GRID2: variants seen among roughly 807,000 people sequenced by gnomAD.
GRID2 encodes the protein glutamate receptor ionotropic, delta-2.
Under a neutral mutation model 114.8 loss-of-function variants are expected in GRID2, and 33 were observed. The observed-to-expected ratio is 0.29, with a 90% CI of 0.22 to 0.38. The LOEUF is 0.38. Among genes scored for constraint, GRID2 ranks in the 10% least tolerant of loss-of-function variants. GRID2 has a pLI of 1.00. For synonymous variants in GRID2, 505 were observed against 449.9 expected, an observed-to-expected ratio of 1.12 and a Z score of -1.55; for missense variants, 1,184 against 1,257.7, an observed-to-expected ratio of 0.94 and a Z score of 0.89.
chr4:93,598,538 C>T (rs1011493936), intron 13 of GRID2, among the ~76,000 whole-genome samples: 2 of 152,138 alleles, frequency 1.3e-5, no homozygotes, highest in Non-Finnish European at 2.9e-5. Flanking sequence ...GGTTGTTGCT[C>T]TCGTTTCTTT....
intron 8 of GRID2, among the ~76,000 whole-genome samples, chr4:93,256,994 T>C (rs928142267): frequency 6.6e-6 from 1 of 151,906 alleles, no homozygotes; most frequent in Non-Finnish European, 1.5e-5. Context: ...TAATTTAATA[T>C]TATTTGCTTA....
intron 2 of GRID2, among the ~76,000 whole-genome samples, chr4:92,906,902 G>A (rs1056123611): frequency 2.0e-5 from 3 of 152,122 alleles, no homozygotes; most frequent in Non-Finnish European, 2.9e-5. Flanking sequence ...TAGCAGCATA[G>A]CTTCACTCTG....
intron 2 of GRID2, among the ~76,000 whole-genome samples, chr4:92,608,533 A>G (rs1248133654): frequency 6.6e-6 from 1 of 151,880 alleles, no homozygotes; most frequent in African/African-American, 2.4e-5. Context: ...TAATATAAAA[A>G]GTGCTATGCA....
chr4:92,695,600 AAG>A (rs1734391829), intron 2 of GRID2, among the ~76,000 whole-genome samples: 1 of 152,178 alleles, frequency 6.6e-6, no homozygotes, highest in Admixed American at 6.5e-5. Flanking sequence ...ATAAAAGATA[AAG>A]TAGCATCTGA....
chr4:93,306,387 A>T (rs1755424800), intron 8 of GRID2: 1 of 152,224 alleles, frequency 6.6e-6, no homozygotes, highest in Non-Finnish European at 1.5e-5. Context: ...TTGGAAATTG[A>T]TTTTCACTTC....
chr4:92,911,833 A>G (rs1423825010), intron 2 of GRID2, among the ~76,000 whole-genome samples: 1 of 151,760 alleles, frequency 6.6e-6, no homozygotes, highest in East Asian at 1.9e-4. Context: ...ATTTAGGATA[A>G]AAACATGCAG....
At chr4:92,352,268 C>T (rs1380662546) in intron 1 of GRID2, among the ~76,000 whole-genome samples, 4 of 151,542 alleles carry the variant, frequency 2.6e-5, no homozygotes, top group Non-Finnish European at 5.9e-5. Context: ...TTTCATTTAC[C>T]TGTTGGCTAT....
rs2149167499 is a variant in GRID2, at chr4:92,545,930, T to A, written c.89-44201T>A. Among the ~76,000 whole-genome samples the A allele has an allele frequency of 2.0e-5, 3 of 152,334 alleles. No individual in the cohort carries two copies. The East Asian group carries it at 5.8e-4, about 29-fold the overall frequency. ...ATATTACTGGCACTGTTCCCAAATT[T>A]ATTTTTCCTCAATGCAACTTTATTC... is the stretch of plus-strand genomic sequence containing the variant. On this transcript the variant is annotated intron_variant, in intron 1 of 15. Transcript: ENST00000282020.
chr4:93,024,257 A>T (rs191428296), intron 2 of GRID2, among the ~76,000 whole-genome samples: 1 of 151,892 alleles, frequency 6.6e-6, no homozygotes, highest in East Asian at 1.9e-4. Context: ...TGAGGCTTAA[A>T]TCTTTCTCGG....
intron 10 of GRID2, among the ~76,000 whole-genome samples, chr4:93,427,309 G>A (rs914791933): frequency 2.0e-5 from 3 of 151,906 alleles, no homozygotes; most frequent in Non-Finnish European, 4.4e-5. Flanking sequence ...AAAATGTTAT[G>A]ATGGAGCTCC....
chr4:93,042,277 C>CTT (rs1354588463), intron 2 of GRID2, among the ~76,000 whole-genome samples: 113 of 62,342 alleles, frequency 1.8e-3, no homozygotes, highest in African/African-American at 2.0e-3. Context: ...CTCTCTCTTT[C>CTT]TCTCTCTCTC....
chr4:93,135,222 A>G (rs1290511018), intron 4 of GRID2, among the ~76,000 whole-genome samples: 1 of 152,162 alleles, frequency 6.6e-6, no homozygotes, highest in Non-Finnish European at 1.5e-5. Context: ...ATATTCCTGA[A>G]CAATAGGAGG....
At chr4:93,326,653 G>T (rs947440090) in intron 8 of GRID2, among the ~76,000 whole-genome samples, 2 of 151,346 alleles carry the variant, frequency 1.3e-5, no homozygotes, top group Non-Finnish European at 1.5e-5. Flanking sequence ...ATGTGTACCC[G>T]CCACTTTATC....
intron 10 of GRID2, among the ~76,000 whole-genome samples, chr4:93,451,296 A>G (rs2149405415): frequency 6.6e-6 from 1 of 152,230 alleles, no homozygotes; most frequent in Non-Finnish European, 1.5e-5. Context: ...TAAACTTCTG[A>G]TAGTGTAAAC....
At position 92,764,626 on chromosome 4, in the gene GRID2, T is replaced by C. The variant is rs142869470; in HGVS notation, c.244+174340T>C. ...CATTAACATCTATACCCCTTTTTTA[T>C]AGAACTTAACACAATTTGTAATTCA... On this transcript the variant is annotated intron_variant, in intron 2 of 15. Transcript: ENST00000282020. Among the ~76,000 whole-genome samples, 549 of 152,336 alleles carry C rather than the reference T, an allele frequency of 3.6e-3. 2 individuals carry two copies. Among genetic ancestry groups the C allele is most frequent in the African/African-American group, 0.013 (529 of 41,584 alleles).
At chr4:93,743,308 G>A (rs967358636) in intron 14 of GRID2, among the ~76,000 whole-genome samples, 1 of 152,154 alleles carries the variant, frequency 6.6e-6, no homozygotes, top group Non-Finnish European at 1.5e-5. Context: ...TAAAAGTGCA[G>A]GGTAAAGCCA....
intron 1 of GRID2, among the ~76,000 whole-genome samples, chr4:92,365,268 G>A (rs1160694601): frequency 6.6e-6 from 1 of 152,010 alleles, no homozygotes; most frequent in African/African-American, 2.4e-5. Flanking sequence ...AGAAAATATG[G>A]TACATATACA....
At chr4:92,454,786 A>G (rs1431479588) in intron 1 of GRID2, among the ~76,000 whole-genome samples, 1 of 152,216 alleles carries the variant, frequency 6.6e-6, no homozygotes, top group Non-Finnish European at 1.5e-5. Context: ...CATTGAGCCG[A>G]GATCGCACCA....
chr4:93,741,159 C>CTATATATATATATATATA (rs879839195), intron 14 of GRID2, among the ~76,000 whole-genome samples: 1 of 47,184 alleles, frequency 2.1e-5, no homozygotes, highest in Non-Finnish European at 3.4e-5. Flanking sequence ...ACCTGAGAAA[C>CTATATATATATATATATA]TATATATATA....
Sources: allele counts gnomAD v4.1 joint callset (sites outside exome capture counted in the v4.1 genomes callset), GRCh38; gene constraint gnomAD v4.1.1; transcripts MANE v1.5; gene names NCBI Gene and HGNC (gene_info 2026-07-23, HGNC 2026-07-21).